The following PPP4R2 variants were observed in gnomAD, a reference collection of about 807,000 sequenced individuals.
PPP4R2 encodes the protein serine/threonine-protein phosphatase 4 regulatory subunit 2.
PPP4R2 carries 13 observed loss-of-function variants against 47.2 expected under a neutral mutation model. The observed-to-expected ratio is 0.28, with a 90% confidence interval of 0.18 to 0.44. The LOEUF (loss-of-function observed/expected upper bound fraction) is 0.44. Among genes scored for constraint, PPP4R2 ranks in the 20% least tolerant of loss-of-function variants. The pLI, the probability that PPP4R2 is intolerant of heterozygous loss-of-function variation, is 1.00. For missense variants in PPP4R2, 421 were observed against 491.2 expected (o/e 0.86, Z 1.35); for synonymous variants, 151 against 163.3 (o/e 0.92, Z 0.57).
At chr3:73,026,237 T>TA in intron 2 of PPP4R2, among the ~76,000 whole-genome samples, 2 of 152,316 alleles carry the variant, frequency 1.3e-5, no homozygotes, top group South Asian at 4.1e-4. Context: ...TCTCCTAAAT[T>TA]ACTCAATTCT....
chr3:73,006,190 AT>A (rs71624000), intron 2 of PPP4R2, among the ~76,000 whole-genome samples: 408 of 124,070 alleles, frequency 3.3e-3, no homozygotes, highest in Non-Finnish European at 3.9e-3. Flanking sequence ...ATATGCCACA[AT>A]TTTTTTTTTT....
chr3:73,042,825 T>C (rs1471081306), intron 2 of PPP4R2, among the ~76,000 whole-genome samples: 2 of 152,176 alleles, frequency 1.3e-5, no homozygotes, highest in African/African-American at 4.8e-5. Context: ...TAATTTAGAG[T>C]AACTGCTTGA....
intron 5 of PPP4R2, chr3:73,062,834 A>G: frequency 1.2e-6 from 2 of 1,613,912 alleles, no homozygotes; most frequent in Non-Finnish European, 1.7e-6. Context: ...GGGTTGGAGA[A>G]TTAATGTTCA....
chr3:73,046,621 A>T (rs1702493798), intron 2 of PPP4R2, among the ~76,000 whole-genome samples: 1 of 152,212 alleles, frequency 6.6e-6, no homozygotes, highest in South Asian at 2.1e-4. Flanking sequence ...GGTTGGATAG[A>T]ACCTGTGATT....
intron 4 of PPP4R2, among the ~76,000 whole-genome samples, 158 bp from the exon 5 acceptor site, chr3:73,060,865 C>T (rs756090838): frequency 6.6e-6 from 1 of 152,062 alleles, no homozygotes; most frequent in Non-Finnish European, 1.5e-5. Context: ...TTAGTTTTTG[C>T]TGTTTCACCA....
intron 2 of PPP4R2, among the ~76,000 whole-genome samples, chr3:73,004,982 TG>T (rs1425783453): frequency 6.7e-6 from 1 of 149,422 alleles, no homozygotes; most frequent in African/African-American, 2.5e-5. Flanking sequence ...TGTGTGTGTG[TG>T]TGTGTGTTTT....
intron 2 of PPP4R2, among the ~76,000 whole-genome samples, chr3:73,041,637 GGA>G (rs1336852693): frequency 1.3e-5 from 2 of 152,162 alleles, no homozygotes; most frequent in African/African-American, 4.8e-5. Context: ...GCTATCCTTT[GGA>G]GTAGCTAATA....
At chr3:72,997,190 G>A in intron 1 of PPP4R2, 119 bp downstream of exon 1, 1 of 736,774 alleles carries the variant, frequency 1.4e-6, no homozygotes, top group Non-Finnish European at 1.9e-6. Flanking sequence ...AGTGCTTCCC[G>A]GGCTCCCATC....
At chr3:73,033,759 C>G (rs750632787) in intron 2 of PPP4R2, among the ~76,000 whole-genome samples, 3 of 152,180 alleles carry the variant, frequency 2.0e-5, no homozygotes, top group Non-Finnish European at 4.4e-5. Context: ...AGGTACCTCA[C>G]TTAAGTGACA....
At chr3:73,033,374 G>C (rs1184377178) in intron 2 of PPP4R2, among the ~76,000 whole-genome samples, 1 of 152,124 alleles carries the variant, frequency 6.6e-6, no homozygotes, top group East Asian at 1.9e-4. Context: ...TTTGATTCCA[G>C]AATTACACAG....
chr3:73,033,049 T>C (rs1702199244), intron 2 of PPP4R2, among the ~76,000 whole-genome samples: 3 of 152,176 alleles, frequency 2.0e-5, no homozygotes, highest in African/African-American at 7.2e-5. Flanking sequence ...ATTTTTATCA[T>C]CCTGTAATTA....
intron 3 of PPP4R2, among the ~76,000 whole-genome samples, chr3:73,054,782 G>A (rs566492576): frequency 2.6e-5 from 4 of 152,154 alleles, no homozygotes; most frequent in Admixed American, 6.5e-5. Context: ...TGAATGAAGT[G>A]CGCACTTATT....
In PPP4R2 at chr3:72,996,986, C is replaced by G. The variant is rs557288481; in HGVS notation, c.-52C>G. The G allele has an allele frequency of 4.5e-6, 6 of 1,321,048 alleles. No homozygotes were observed. Among genetic ancestry groups the G allele is most frequent in the African/African-American group, 3.0e-5 (2 of 65,980 alleles). The allele number at this position is 1,321,048 out of a possible 1,614,324, so 81.8% of individuals were successfully genotyped here. A position where few individuals can be genotyped will look rare whatever the true frequency, so the allele number is the denominator to read the frequency against. On this transcript the variant is annotated 5_prime_UTR_variant, in exon 1 of 9. Coordinates refer to ENST00000356692, the MANE Select transcript of PPP4R2 (RefSeq NM_174907.4). The stretch of plus-strand genomic sequence containing the variant: ...GGGGGGTGGGGGGAGGCGTTCCGGT[C>G]CCCAAGAGACCCGCGGAGGGAGGCG...
At chr3:73,034,947 G>T (rs967030951) in intron 2 of PPP4R2, among the ~76,000 whole-genome samples, 2 of 152,108 alleles carry the variant, frequency 1.3e-5, no homozygotes, top group Non-Finnish European at 2.9e-5. Context: ...AGATGAATGG[G>T]ATTACATCAA....
At chr3:72,997,286 GC>G in intron 1 of PPP4R2, 1 of 410,028 alleles carries the variant, frequency 2.4e-6, no homozygotes. Context: ...CGGCGTCTGG[GC>G]TGGGGGAGGG....
chr3:73,009,048 G>A (rs1701671055), intron 2 of PPP4R2, among the ~76,000 whole-genome samples: 1 of 152,166 alleles, frequency 6.6e-6, no homozygotes, highest in African/African-American at 2.4e-5. Context: ...TCCTGTAAGT[G>A]GGAGTTACTG....
chr3:73,017,608 T>TGTTA, intron 2 of PPP4R2, among the ~76,000 whole-genome samples: 2 of 152,328 alleles, frequency 1.3e-5, no homozygotes, highest in East Asian at 3.9e-4. Context: ...ATTAAGTGTA[T>TGTTA]GTTAAAGTGA....
Position 72,996,905 on chromosome 3 carries a change from T to TCCC in PPP4R2, c.-126_-124dup. On this transcript the variant is annotated 5_prime_UTR_variant, in exon 1 of 9. Coordinates refer to ENST00000356692, the MANE Select transcript of PPP4R2 (RefSeq NM_174907.4). ...CACGCTTCCCCCGGCTCCCTTCGTT[T>TCCC]CCCCCCCCCGGTCGCCTGCGTGCCG... 2.0e-6 allele frequency: 1 copy of TCCC among 506,676 alleles called. No homozygotes were observed. The highest frequency in any genetic ancestry group is 3.9e-5 in the East Asian group (1 of 25,584). The allele number at this position is 506,676 out of a possible 1,614,324, so 31.4% of individuals were successfully genotyped here.
Position 73,066,196 on chromosome 3 carries a change from T to C in PPP4R2, c.*474T>C, listed in dbSNP as rs934946826. On this transcript the variant is annotated 3_prime_UTR_variant, in exon 9 of 9. Transcript: ENST00000356692. ...GTTTCATGCTGGTTTCCAGATTTTA[T>C]TGTTTGGCTACGTACAATGGAACTT... The C allele has an allele frequency of 6.8e-6, 1 of 148,098 alleles. No individual in the cohort carries two copies. The highest frequency in any genetic ancestry group is 2.5e-5 in the African/African-American group (1 of 40,616). 9.2% of individuals were successfully genotyped at this position (148,098 alleles called of 1,614,324 possible).
Sources: allele counts gnomAD v4.1 joint callset (sites outside exome capture counted in the v4.1 genomes callset), GRCh38; gene constraint gnomAD v4.1.1; transcripts MANE v1.5; gene names NCBI Gene and HGNC (gene_info 2026-07-23, HGNC 2026-07-21).